Variants in LRRFIP2 observed in about 807,000 individuals in gnomAD.
The protein encoded by LRRFIP2 is LRR binding FLII interacting protein 2.
A neutral mutation model predicts 125.9 loss-of-function variants in LRRFIP2; 109 were observed. That is an observed-to-expected ratio of 0.87 (90% confidence interval 0.74 to 1.01). The LOEUF (loss-of-function observed/expected upper bound fraction) is 1.01. Among genes scored for constraint, LRRFIP2 ranks in the 50% least tolerant of loss-of-function variants. LRRFIP2 has a pLI of 0.00. For missense variants in LRRFIP2, 850 were observed against 862.3 expected (o/e 0.99, Z 0.18); for synonymous variants, 291 against 293.1 (o/e 0.99, Z 0.07).
In LRRFIP2 at chr3:37,094,853, C is replaced by T; in HGVS notation, c.974G>A (p.Arg325Lys). The change falls in exon 17 of 28, where the codon AGA becomes AAA. Residue 325 changes from arginine (R) to lysine (K), a missense_variant. Transcript: ENST00000336686. ...GCTGCTGGTGTCCCCACTTCCTCGT[C>T]TGGATGAGTTTCCACTTAGAGGGGT... ...ATTPLSGNSS[R>K]RGSGDTSSLI... is the part of the protein sequence containing the mutation. 6.2e-7 allele frequency: 1 copy of T among 1,613,978 alleles called. No homozygotes were observed. The highest frequency in any genetic ancestry group is 8.5e-7 in the Non-Finnish European group (1 of 1,179,922).
At chr3:37,072,934 G>C in intron 20 of LRRFIP2, 52 bp from the exon 21 acceptor site, 1 of 1,132,064 alleles carries the variant, frequency 8.8e-7, no homozygotes, top group Non-Finnish European at 1.3e-6. Context: ...AGAAAAGGGA[G>C]AGGAGGTTTG....
At chr3:37,088,772 G>C (rs1028644244) in intron 18 of LRRFIP2, among the ~76,000 whole-genome samples, 5 of 151,982 alleles carry the variant, frequency 3.3e-5, no homozygotes, top group African/African-American at 1.2e-4. Flanking sequence ...ACTCCAGCTT[G>C]AGTGACAGAG....
At chr3:37,112,359 G>GAA (rs905923355) in intron 8 of LRRFIP2, among the ~76,000 whole-genome samples, 4 of 148,324 alleles carry the variant, frequency 2.7e-5, no homozygotes, top group African/African-American at 9.9e-5. Flanking sequence ...AAAAAGAAAA[G>GAA]AAAAAAAGAA....
intron 9 of LRRFIP2, 152 bp downstream of exon 9, chr3:37,110,839 A>G (rs1379718417): frequency 1.7e-6 from 1 of 582,674 alleles, no homozygotes; most frequent in East Asian, 2.9e-5. Flanking sequence ...GTTTAAAGAG[A>G]CTCCCACAGA....
chr3:37,063,648 G>T, intron 24 of LRRFIP2, 94 bp downstream of exon 24: 1 of 903,466 alleles, frequency 1.1e-6, no homozygotes, highest in African/African-American at 1.7e-5. Context: ...ATGTTTGAAA[G>T]AAGCATATTT....
chr3:37,057,277 A>C (rs1480973780), intron 25 of LRRFIP2, among the ~76,000 whole-genome samples: 1 of 152,118 alleles, frequency 6.6e-6, no homozygotes, highest in Non-Finnish European at 1.5e-5. Context: ...AATCTCTCAG[A>C]TCTATTCCCT....
Position 37,053,065 on chromosome 3 carries a change from C to G in LRRFIP2, c.*786G>C, listed in dbSNP as rs2085925242. The stretch of plus-strand genomic sequence containing the variant: ...CAGGCAGATTTCCAATCTGCCTGCC[C>G]TGCCCTACCCTCCCCCTTTGGGTTT... On this transcript the variant is annotated 3_prime_UTR_variant, in exon 28 of 28. Coordinates refer to ENST00000336686, the MANE Select transcript of LRRFIP2 (RefSeq NM_006309.4). 1 of 152,508 alleles carries G rather than the reference C, an allele frequency of 6.6e-6. No individual in the cohort carries two copies. Among genetic ancestry groups the G allele is most frequent in the Non-Finnish European group, 1.5e-5 (1 of 68,026 alleles). The allele number at this position is 152,508 out of a possible 1,614,324, so 9.4% of individuals were successfully genotyped here.
chr3:37,066,701 C>CA (rs11456811), intron 21 of LRRFIP2: 6,531 of 169,126 alleles, frequency 0.039, 402 homozygotes, highest in African/African-American at 0.13. Flanking sequence ...ATTTGGTGAA[C>CA]AAAAAAAACC....
chr3:37,107,377 G>A (rs1225476103), intron 13 of LRRFIP2, among the ~76,000 whole-genome samples: 3 of 152,144 alleles, frequency 2.0e-5, no homozygotes, highest in African/African-American at 7.2e-5. Flanking sequence ...TATAGGTGCT[G>A]ATACAGAAAG....
At chr3:37,119,896 A>G (rs1161912705) in intron 6 of LRRFIP2, among the ~76,000 whole-genome samples, 3 of 152,222 alleles carry the variant, frequency 2.0e-5, no homozygotes, top group Non-Finnish European at 2.9e-5. Context: ...TCTGAACCTC[A>G]GGTGATCTGC....
intron 5 of LRRFIP2, 38 bp from the exon 6 acceptor site, chr3:37,121,574 A>G (rs770487796): frequency 6.2e-7 from 1 of 1,613,046 alleles, no homozygotes; most frequent in South Asian, 1.1e-5. Flanking sequence ...AAAGTTTGTG[A>G]GTGATTACAT....
At chr3:37,167,690 A>G (rs1021895046) in intron 1 of LRRFIP2, among the ~76,000 whole-genome samples, 1 of 149,236 alleles carries the variant, frequency 6.7e-6, no homozygotes, top group Non-Finnish European at 1.5e-5. Flanking sequence ...AAAGAAAAAA[A>G]AAAGAAAACG....
intron 1 of LRRFIP2, chr3:37,170,999 A>C (rs1461841409): frequency 6.6e-6 from 1 of 152,322 alleles, no homozygotes; most frequent in Non-Finnish European, 1.5e-5. Flanking sequence ...ACCCGAGCCC[A>C]GGAAGTCGAG....
chr3:37,053,948 A>G lies in LRRFIP2; in HGVS notation c.2069T>C (p.Leu690Pro). 6.2e-7 allele frequency: 1 copy of G among 1,611,610 alleles called. No homozygotes were observed. The highest frequency in any genetic ancestry group is 8.5e-7 in the Non-Finnish European group (1 of 1,177,712). ...RKLQRELRTA[L>P]DKIEEMEMTN... ...CATCTCCATCTCCTCAATCTTGTCC[A>G]GTGCTGTTCGTAACTGGAGACAGGG... Residue 690 changes from leucine (L) to proline (P), a missense_variant, in exon 28 of 28, where the codon CTG becomes CCG. Leu to Pro is a moderately conservative substitution (Grantham distance 98). Transcript: ENST00000336686.
chr3:37,066,455 GAAAC>G (rs1002760809), intron 21 of LRRFIP2, 130 bp from the exon 22 acceptor site: 19 of 718,606 alleles, frequency 2.6e-5, no homozygotes, highest in Admixed American at 1.0e-4. Flanking sequence ...CAAAAGATTG[GAAAC>G]AAACAGTCAG....
intron 3 of LRRFIP2, among the ~76,000 whole-genome samples, chr3:37,128,196 G>A (rs2095336104): frequency 2.6e-5 from 4 of 152,166 alleles, no homozygotes; most frequent in Non-Finnish European, 5.9e-5. Flanking sequence ...TTCTTGAGCT[G>A]TGACAATATA....
chr3:37,083,968 G>A (rs2092843101), intron 18 of LRRFIP2, among the ~76,000 whole-genome samples, 162 bp from the exon 19 acceptor site: 1 of 152,122 alleles, frequency 6.6e-6, no homozygotes, highest in South Asian at 2.1e-4. Context: ...TGTGAAACAG[G>A]AAGACAATAA....
chr3:37,134,817 A>G (rs1290056279), intron 2 of LRRFIP2: 1 of 913,458 alleles, frequency 1.1e-6, no homozygotes, highest in African/African-American at 1.6e-5. Context: ...CTTTTTGGCA[A>G]TTCATTTTCC....
chr3:37,122,312 T>C (rs1576983970), intron 4 of LRRFIP2, among the ~76,000 whole-genome samples: 1 of 152,002 alleles, frequency 6.6e-6, no homozygotes, highest in Non-Finnish European at 1.5e-5. Flanking sequence ...CATTCTTTGG[T>C]TGGAAAGAAA....
Sources: allele counts gnomAD v4.1 joint callset (sites outside exome capture counted in the v4.1 genomes callset), GRCh38; gene constraint gnomAD v4.1.1; transcripts MANE v1.5; gene names NCBI Gene and HGNC (gene_info 2026-07-23, HGNC 2026-07-21).